The following CYFIP2 variants were observed in gnomAD, a reference collection of about 807,000 sequenced individuals.
CYFIP2 encodes the protein cytoplasmic FMR1 interacting protein 2.
Under a neutral mutation model 158.7 loss-of-function variants are expected in CYFIP2, and 29 were observed. The observed-to-expected ratio is 0.18, with a 90% CI of 0.14 to 0.25. The LOEUF (loss-of-function observed/expected upper bound fraction) is 0.25, where lower values mean the gene tolerates loss of function less well. CYFIP2 is among the 10% of genes least tolerant of loss of function. The probability of loss-of-function intolerance (pLI) is 1.00; values close to 1 mark genes in which losing one functional copy is unlikely to be tolerated. For missense variants in CYFIP2, 852 were observed against 1,639.5 expected, an observed-to-expected ratio of 0.52 and a Z score of 8.29; for synonymous variants, 585 against 617.6, an observed-to-expected ratio of 0.95 and a Z score of 0.78.
At chr5:157,359,852 C>G (rs763351928) in intron 24 of CYFIP2, among the ~76,000 whole-genome samples, 1 of 152,156 alleles carries the variant, frequency 6.6e-6, no homozygotes, top group African/African-American at 2.4e-5. Context: ...TGGGTTGTTA[C>G]AGATTGTGGA....
chr5:157,342,915 A>T, intron 23 of CYFIP2: 1 of 1,614,118 alleles, frequency 6.2e-7, no homozygotes, highest in Non-Finnish European at 8.5e-7. Flanking sequence ...CCCCTCTGTA[A>T]GGCACCCGCA....
At chr5:157,356,151 G>A (rs1232129520) in intron 23 of CYFIP2, among the ~76,000 whole-genome samples, 1 of 152,176 alleles carries the variant, frequency 6.6e-6, no homozygotes, top group African/African-American at 2.4e-5. Flanking sequence ...AGTTCTAGAG[G>A]TTGAGAAGTC....
chr5:157,326,112 A>C, intron 17 of CYFIP2, 59 bp from the exon 18 acceptor site: 1 of 1,243,686 alleles, frequency 8.0e-7, no homozygotes, highest in Non-Finnish European at 1.2e-6. Flanking sequence ...GCAAGTATAA[A>C]GCTGTCTTCC....
intron 22 of CYFIP2, among the ~76,000 whole-genome samples, chr5:157,339,614 T>C (rs1266773676): frequency 6.6e-6 from 1 of 152,204 alleles, no homozygotes; most frequent in Non-Finnish European, 1.5e-5. Flanking sequence ...ATCAATCACA[T>C]GACAAATGTA....
chr5:157,283,000 T>C (rs1289054580), intron 1 of CYFIP2, among the ~76,000 whole-genome samples: 1 of 152,218 alleles, frequency 6.6e-6, no homozygotes. Flanking sequence ...ACACCTAGCG[T>C]AGAGGTTGGT....
At chr5:157,316,513 T>C (rs56135527) in intron 13 of CYFIP2, among the ~76,000 whole-genome samples, 1,616 of 152,344 alleles carry the variant, frequency 0.011, 34 homozygotes, top group African/African-American at 0.036. Context: ...TATAACCTTT[T>C]GTATTGTGTT....
intron 5 of CYFIP2, 59 bp downstream of exon 5, chr5:157,296,833 C>A: frequency 7.4e-7 from 1 of 1,346,490 alleles, no homozygotes; most frequent in Non-Finnish European, 1.0e-6. Flanking sequence ...AGTTTTCTAA[C>A]CACTGGGGTC....
intron 8 of CYFIP2, among the ~76,000 whole-genome samples, chr5:157,305,930 T>C (rs1212384619): frequency 1.3e-5 from 2 of 152,254 alleles, no homozygotes; most frequent in African/African-American, 4.8e-5. Context: ...CTAAATTTAT[T>C]TGGCTATGTT....
rs1025768510 is a variant in CYFIP2, at chr5:157,316,705, A to T, written c.1356+1611A>T. On this transcript the variant is annotated intron_variant, in intron 13 of 30. Transcript: ENST00000620254. Reference sequence around the variant, plus strand: ...CAGCTCTCAGAGCCTCAGATTCCTTATCTGTAAAATGGAGCTAATCAACCT... The same window carrying T: ...CAGCTCTCAGAGCCTCAGATTCCTTTTCTGTAAAATGGAGCTAATCAACCT... 2.2e-4 allele frequency among the ~76,000 whole-genome samples: 33 copies of T among 152,294 alleles called. 1 individual carries two copies. Among genetic ancestry groups the T allele is most frequent in the Admixed American group, 1.7e-3 (26 of 15,298 alleles).
At chr5:157,371,421 A>C (rs529635301) in intron 26 of CYFIP2, among the ~76,000 whole-genome samples, 2 of 152,308 alleles carry the variant, frequency 1.3e-5, no homozygotes, top group South Asian at 4.1e-4. Flanking sequence ...TTAAGAAAAT[A>C]CTGGTTTGAT....
At chr5:157,317,484 A>AT (rs1760245258) in intron 13 of CYFIP2, among the ~76,000 whole-genome samples, 1 of 151,940 alleles carries the variant, frequency 6.6e-6, no homozygotes, top group Non-Finnish European at 1.5e-5. Context: ...AGTTTATGAC[A>AT]TTTTCTATTG....
At chr5:157,371,567 C>T (rs1026482481) in intron 26 of CYFIP2, among the ~76,000 whole-genome samples, 2 of 152,090 alleles carry the variant, frequency 1.3e-5, no homozygotes, top group Non-Finnish European at 2.9e-5. Context: ...AAAATATGTA[C>T]GCGGAATCTT....
chr5:157,327,667 C>A (rs961513774), intron 18 of CYFIP2, among the ~76,000 whole-genome samples: 7 of 152,142 alleles, frequency 4.6e-5, no homozygotes, highest in Non-Finnish European at 1.0e-4. Context: ...AATTTGAGCA[C>A]TGATGGGTTC....
In CYFIP2 at chr5:157,339,404, C is replaced by T. The variant is rs1005944224; in HGVS notation, c.2585+148C>T. 5 of 689,552 alleles carry T rather than the reference C, an allele frequency of 7.3e-6. No individual in the cohort carries two copies. In the Admixed American group the frequency reaches 8.4e-5, roughly 12 times the overall value. The allele number at this position is 689,552 out of a possible 1,614,324, so 42.7% of individuals were successfully genotyped here. On this transcript the variant is annotated intron_variant, in intron 22 of 30. Transcript: ENST00000620254. ...CCTGGGCACAGGCTTTGTGCTGTCT[C>T]ACTTGCCTAAGGTCATAGAGCTGGT...
chr5:157,389,102 A>G, intron 28 of CYFIP2, 87 bp from the exon 29 acceptor site: 1 of 1,313,958 alleles, frequency 7.6e-7, no homozygotes, highest in Non-Finnish European at 1.0e-6. Flanking sequence ...AGGTGCAGCC[A>G]GCTCCAGAGT....
chr5:157,308,986 GC>G (rs1759476044), intron 9 of CYFIP2, among the ~76,000 whole-genome samples: 1 of 152,176 alleles, frequency 6.6e-6, no homozygotes, highest in Non-Finnish European at 1.5e-5. Flanking sequence ...CGGCTCTGTA[GC>G]GTTCCCTGGA....
Position 157,304,372 on chromosome 5 carries a change from ACT to A in CYFIP2, c.795+8_795+9del, listed in dbSNP as rs1450474156. Reference sequence around the variant, plus strand: ...AGAAACATATGCTCCTCAAGGTAAAACTCCCCTGAGGCCGCACCCATGGAGCC... The same window carrying A: ...AGAAACATATGCTCCTCAAGGTAAAACCCCTGAGGCCGCACCCATGGAGCC... On this transcript the variant is annotated splice_region_variant and intron_variant, in intron 8 of 30. Transcript: ENST00000620254. 2 of 1,610,422 alleles carry A rather than the reference ACT, an allele frequency of 1.2e-6. No homozygotes were observed. Among genetic ancestry groups the A allele is most frequent in the Non-Finnish European group, 1.7e-6 (2 of 1,177,836 alleles).
At chr5:157,269,279 G>A (rs1287347842) in intron 1 of CYFIP2, 3 of 152,034 alleles carry the variant, frequency 2.0e-5, no homozygotes, top group Admixed American at 6.6e-5. Context: ...ACCTGAGTAG[G>A]TAGGGAGAAG....
At chr5:157,319,655 G>A in intron 13 of CYFIP2, 107 bp from the exon 14 acceptor site, 1 of 1,391,662 alleles carries the variant, frequency 7.2e-7, no homozygotes, top group Non-Finnish European at 9.8e-7. Flanking sequence ...CTGGCCTCAT[G>A]CCTCTGGACA....
Sources: allele counts gnomAD v4.1 joint callset (sites outside exome capture counted in the v4.1 genomes callset), GRCh38; gene constraint gnomAD v4.1.1; transcripts MANE v1.5; gene names NCBI Gene and HGNC (gene_info 2026-07-23, HGNC 2026-07-21).